Variants in RAB7A observed in about 807,000 individuals in gnomAD.
RAB7A encodes ras-related protein Rab-7a.
RAB7A carries 2 observed loss-of-function variants against 24.5 expected under a neutral mutation model. The ratio of observed to expected loss-of-function variants is 0.08; its 90% CI spans 0.03 to 0.26. RAB7A has a LOEUF of 0.26. Among genes scored for constraint, RAB7A ranks in the 10% least tolerant of loss-of-function variants. RAB7A has a pLI of 1.00. For synonymous variants in RAB7A, 100 were observed against 95.9 expected, an observed-to-expected ratio of 1.04 and a Z score of -0.25; for missense variants, 118 against 255.7, an observed-to-expected ratio of 0.46 and a Z score of 3.67.
chr3:128,773,485 G>C (rs1473073144), intron 1 of RAB7A, among the ~76,000 whole-genome samples: 4 of 143,028 alleles, frequency 2.8e-5, no homozygotes, highest in African/African-American at 5.0e-5. Flanking sequence ...GTCAGCCCCC[G>C]CCCAGCAAGC....
chr3:128,738,325 C>T (rs533426530), intron 1 of RAB7A, among the ~76,000 whole-genome samples: 155 of 152,288 alleles, frequency 1.0e-3, no homozygotes, highest in Non-Finnish European at 5.9e-4. Context: ...AGCCACTACT[C>T]GTCAAGAACC....
intron 1 of RAB7A, among the ~76,000 whole-genome samples, chr3:128,741,383 C>A (rs2070552170): frequency 6.6e-6 from 1 of 152,114 alleles, no homozygotes. Context: ...ACAATGTTTT[C>A]TTCTAGTAAT....
intron 1 of RAB7A, among the ~76,000 whole-genome samples, chr3:128,750,451 G>T (rs558104060): frequency 6.6e-6 from 1 of 152,088 alleles, no homozygotes; most frequent in South Asian, 2.1e-4. Flanking sequence ...TAGTAGAGAC[G>T]GGTTTTCACC....
chr3:128,748,902 GAGA>G (rs1486667548), intron 1 of RAB7A: 8 of 152,210 alleles, frequency 5.3e-5, no homozygotes, highest in East Asian at 3.8e-4. Context: ...CCATGGTGTA[GAGA>G]AGGTCTCCCA....
At chr3:128,730,877 C>G (rs946199680) in intron 1 of RAB7A, among the ~76,000 whole-genome samples, 2 of 152,120 alleles carry the variant, frequency 1.3e-5, no homozygotes, top group African/African-American at 4.8e-5. Context: ...ATTCTGTTGT[C>G]CACTTCTGGT....
Position 128,795,348 on chromosome 3 carries a change from T to C in RAB7A, c.-8-12T>C, listed in dbSNP as rs1057521402. ...ATCACACTCACAGTGATTTCTCCTT[T>C]TCCCCCTTTAGTTTGAAGGATGACC... On this transcript the variant is annotated splice_polypyrimidine_tract_variant and intron_variant, in intron 1 of 5. Coordinates refer to ENST00000265062, the MANE Select transcript of RAB7A (RefSeq NM_004637.6). 6 of 1,607,728 alleles carry C rather than the reference T, an allele frequency of 3.7e-6. No individual in the cohort carries two copies. Among genetic ancestry groups the C allele is most frequent in the Non-Finnish European group, 5.1e-6 (6 of 1,174,172 alleles).
chr3:128,737,238 A>C (rs2070498442), intron 1 of RAB7A, among the ~76,000 whole-genome samples: 1 of 151,372 alleles, frequency 6.6e-6, no homozygotes, highest in Middle Eastern at 3.5e-3. Context: ...ACGGGGTGTC[A>C]CTGTGTTAGC....
At chr3:128,758,262 G>GTTTGTTTTTTTGTTTTTTTTTTTTT (rs2070746372) in intron 1 of RAB7A, among the ~76,000 whole-genome samples, 6 of 141,712 alleles carry the variant, frequency 4.2e-5, no homozygotes, top group Non-Finnish European at 7.6e-5. Context: ...CCACCCCAGT[G>GTTTGTTTTTTTGTTTTTTTTTTTTT]TTTGTTTTTT....
chr3:128,780,405 G>A (rs1933193392), intron 1 of RAB7A, among the ~76,000 whole-genome samples: 1 of 151,814 alleles, frequency 6.6e-6, no homozygotes. Context: ...CCAGGAAGGA[G>A]TTGTGAAGTA....
intron 5 of RAB7A, among the ~76,000 whole-genome samples, chr3:128,812,312 A>G (rs939639346): frequency 6.6e-6 from 1 of 152,104 alleles, no homozygotes; most frequent in Non-Finnish European, 1.5e-5. Context: ...ACGGGGTTTC[A>G]CCATGTTCGC....
intron 1 of RAB7A, among the ~76,000 whole-genome samples, chr3:128,737,533 A>G (rs1019668597): frequency 2.6e-5 from 4 of 151,146 alleles, no homozygotes; most frequent in Non-Finnish European, 5.9e-5. Context: ...TTTGATAGAG[A>G]TGGGATTTCA....
At chr3:128,740,703 C>T (rs2070543573) in intron 1 of RAB7A, among the ~76,000 whole-genome samples, 1 of 150,636 alleles carries the variant, frequency 6.6e-6, no homozygotes, top group African/African-American at 2.4e-5. Flanking sequence ...CAAGACCAGC[C>T]TAGGCAACAT....
chr3:128,744,812 T>C (rs1483638702), intron 1 of RAB7A, among the ~76,000 whole-genome samples: 1 of 152,180 alleles, frequency 6.6e-6, no homozygotes. Context: ...CCACTTGTAA[T>C]AATTTTTTGC....
chr3:128,812,068 CTTAATG>C (rs1047201414), intron 5 of RAB7A, among the ~76,000 whole-genome samples: 1 of 152,078 alleles, frequency 6.6e-6, no homozygotes, highest in African/African-American at 2.4e-5. Flanking sequence ...GTATTTTAAA[CTTAATG>C]TTGATGGCTG....
chr3:128,742,562 A>G (rs1009363170), intron 1 of RAB7A, among the ~76,000 whole-genome samples: 6 of 152,272 alleles, frequency 3.9e-5, no homozygotes, highest in African/African-American at 1.4e-4. Context: ...TGTGTTTACA[A>G]TCCTCTAGCT....
In RAB7A at chr3:128,744,316, G is replaced by T. The variant is rs1332144809; in HGVS notation, c.-9+17957G>T. ...TGGAGCATAAAAGTACAATAACTGA[G>T]ATGAAAACTTTATTAGAGGGGTTCA... is the stretch of plus-strand genomic sequence containing the variant. On this transcript the variant is annotated intron_variant, in intron 1 of 5. Transcript: ENST00000265062. Among the ~76,000 whole-genome samples, 3 of 152,144 alleles carry T rather than the reference G, an allele frequency of 2.0e-5. 1 individual carries two copies. Among genetic ancestry groups the T allele is most frequent in the Admixed American group, 2.0e-4 (3 of 15,274 alleles).
At chr3:128,777,057 A>G (rs1933111665) in intron 1 of RAB7A, among the ~76,000 whole-genome samples, 1 of 151,990 alleles carries the variant, frequency 6.6e-6, no homozygotes. Context: ...TTTAAAAATT[A>G]GATTATTTGT....
At position 128,813,884 on chromosome 3, in the gene RAB7A, C is replaced by T; in HGVS notation, c.*462C>T. The T allele has an allele frequency of 3.9e-6, 1 of 253,778 alleles. No homozygotes were observed. The highest frequency in any genetic ancestry group is 7.9e-6 in the Non-Finnish European group (1 of 126,826). 15.7% of individuals were successfully genotyped at this position (253,778 alleles called of 1,614,324 possible). A position where few individuals can be genotyped will look rare whatever the true frequency, so the allele number is the denominator to read the frequency against. ...CTTTCCCCTCCCTCCTTGAAGGCTA[C>T]CCCTTGGGAAGGCTGGTGCCCCATG... is the stretch of plus-strand genomic sequence containing the variant. On this transcript the variant is annotated 3_prime_UTR_variant, in exon 6 of 6. Coordinates refer to ENST00000265062, the MANE Select transcript of RAB7A (RefSeq NM_004637.6).
intron 1 of RAB7A, chr3:128,764,780 G>T: frequency 1.2e-6 from 1 of 833,628 alleles, no homozygotes; most frequent in Non-Finnish European, 2.1e-6. Flanking sequence ...AGGAAGATTT[G>T]GCCACCACGA....
Sources: allele counts gnomAD v4.1 joint callset (sites outside exome capture counted in the v4.1 genomes callset), GRCh38; gene constraint gnomAD v4.1.1; transcripts MANE v1.5; gene names NCBI Gene and HGNC (gene_info 2026-07-23, HGNC 2026-07-21).